The following ZNF696 variants were observed in gnomAD, a reference collection of about 807,000 sequenced individuals.
The protein encoded by ZNF696 is zinc finger protein 696.
Under a neutral mutation model 12.3 loss-of-function variants are expected in ZNF696, and 10 were observed. The observed-to-expected ratio is 0.81, with a 90% CI of 0.50 to 1.38. ZNF696 has a LOEUF of 1.38. Among genes scored for constraint, ZNF696 ranks in the 40% most tolerant of loss-of-function variants. ZNF696 has a pLI of 0.00. For missense variants in ZNF696, 675 were observed against 554.7 expected (o/e 1.22, Z -2.18); for synonymous variants, 304 against 243.9 (o/e 1.25, Z -2.29).
At position 143,296,967 on chromosome 8, in the gene ZNF696, C is replaced by A; in HGVS notation, c.*167C>A. On this transcript the variant is annotated 3_prime_UTR_variant, in exon 3 of 3. Transcript: ENST00000330143. ...GCCTGCATCCGCCTTGGCTTGGGAG[C>A]AATCAGGAGAGACAGGGCTCGGGGA... The A allele has an allele frequency of 1.6e-6, 1 of 635,096 alleles. No homozygotes were observed. Among genetic ancestry groups the A allele is most frequent in the Non-Finnish European group, 2.4e-6 (1 of 418,090 alleles). The allele number at this position is 635,096 out of a possible 1,614,324, so 39.3% of individuals were successfully genotyped here.
At position 143,291,711 on chromosome 8, in the gene ZNF696, G is replaced by A; in HGVS notation, c.-87G>A. The A allele has an allele frequency of 1.0e-6, 1 of 985,490 alleles. No homozygotes were observed. The highest frequency in any genetic ancestry group is 1.7e-5 in the African/African-American group (1 of 57,382). The allele number at this position is 985,490 out of a possible 1,614,324, so 61.0% of individuals were successfully genotyped here. ...AGTTGTCAAATTTCCCACCGGCCCA[G>A]CTCATCGAGCTTCTTCCCAGCTGTG... On this transcript the variant is annotated 5_prime_UTR_variant, in exon 1 of 3. Transcript: ENST00000330143.
chr8:143,294,610 C>G (rs1815677508), intron 2 of ZNF696, among the ~76,000 whole-genome samples: 1 of 152,032 alleles, frequency 6.6e-6, no homozygotes, highest in Admixed American at 6.6e-5. Flanking sequence ...TCGTGAACTG[C>G]CCACCTCAGC....
At position 143,298,407 on chromosome 8, in the gene ZNF696, G is replaced by A. The variant is rs1815753877; in HGVS notation, c.*1607G>A. On this transcript the variant is annotated 3_prime_UTR_variant, in exon 3 of 3. Transcript: ENST00000330143. Reference sequence around the variant, plus strand: ...CTGACCCCTGGGCCGGTGGTGAGGTGGGAAGATGAGCCTGTGTCTCCCATG... The same window carrying A: ...CTGACCCCTGGGCCGGTGGTGAGGTAGGAAGATGAGCCTGTGTCTCCCATG... Among the ~76,000 whole-genome samples the A allele has an allele frequency of 6.6e-6, 1 of 152,138 alleles. No homozygotes were observed. Among genetic ancestry groups the A allele is most frequent in the African/African-American group, 2.4e-5 (1 of 41,422 alleles).
chr8:143,295,858 AG>A lies in ZNF696; in HGVS notation c.189del (p.Pro64LeufsTer297), dbSNP rs752583377. 2.5e-6 allele frequency: 4 copies of A among 1,577,654 alleles called. No homozygotes were observed. The highest frequency in any genetic ancestry group is 2.6e-6 in the Non-Finnish European group (3 of 1,160,986). ...AGAPEGEGHR[G>X]GPPRALGSLG... is the part of the protein sequence containing the mutation. The stretch of plus-strand genomic sequence containing the variant: ...GCGCTCCCGAGGGAGAGGGCCACAG[AG>A]GGGGGCCTCCCCGGGCGTTGGGGTC... On this transcript the variant is annotated frameshift_variant, in exon 3 of 3. Coordinates refer to ENST00000330143, the MANE Select transcript of ZNF696 (RefSeq NM_030895.3). LOFTEE classifies it low-confidence loss of function (END_TRUNC).
Position 143,298,450 on chromosome 8 carries a change from G to A in ZNF696, c.*1650G>A, listed in dbSNP as rs890653269. Among the ~76,000 whole-genome samples, 2 of 152,142 alleles carry A rather than the reference G, an allele frequency of 1.3e-5. No individual in the cohort carries two copies. The highest frequency in any genetic ancestry group is 2.9e-5 in the Non-Finnish European group (2 of 68,022). On this transcript the variant is annotated 3_prime_UTR_variant, in exon 3 of 3. Transcript: ENST00000330143. ...CTCCCATGCTGAGCCAAGATCCTCA[G>A]GTACCAGTAGCGGTCAAAGCACCTG...
At position 143,296,107 on chromosome 8, in the gene ZNF696, G is replaced by A; in HGVS notation, c.432G>A (p.Arg144=). The A allele has an allele frequency of 6.2e-7, 1 of 1,608,348 alleles. No individual in the cohort carries two copies. The highest frequency in any genetic ancestry group is 8.5e-7 in the Non-Finnish European group (1 of 1,177,646). ...GCTCCTCGGACGCGGCAAAGCACCG[G>A]AGCATCCACTCGGGGGAGAAACCGT... is the stretch of plus-strand genomic sequence containing the variant. ...FKCSSDAAKH[R]SIHSGEKPYE... The change falls in exon 3 of 3, where the codon CGG becomes CGA. Residue 144 remains arginine (R), a synonymous_variant. Transcript: ENST00000330143.
Position 143,296,810 on chromosome 8 carries a change from G to A in ZNF696, c.*10G>A. ...GCATGGCGCCGAGTGAGCCGGGGCT[G>A]CGGCGGAAGAGATGCCGGCGGCCTG... On this transcript the variant is annotated 3_prime_UTR_variant, in exon 3 of 3. Transcript: ENST00000330143. The A allele has an allele frequency of 1.4e-6, 2 of 1,384,004 alleles. No homozygotes were observed. The highest frequency in any genetic ancestry group is 1.9e-6 in the Non-Finnish European group (2 of 1,076,280). The allele number at this position is 1,384,004 out of a possible 1,614,324, so 85.7% of individuals were successfully genotyped here. A position where few individuals can be genotyped will look rare whatever the true frequency, so the allele number is the denominator to read the frequency against.
rs1046720137 is a variant in ZNF696 at position 143,296,753 on chromosome 8, C to T, written c.1078C>T (p.Leu360=). ...CACCGAGTGCGGCCGCGCCTTCCGCCTGAGCTTCCACCTCATCCAGCACCG... is the reference window on the plus strand; with the variant it reads ...CACCGAGTGCGGCCGCGCCTTCCGCTTGAGCTTCCACCTCATCCAGCACCG... ...RCTECGRAFR[L]SFHLIQHRRV... The change falls in exon 3 of 3, where the codon CTG becomes TTG. Residue 360 remains leucine, a synonymous_variant. Coordinates refer to ENST00000330143, the MANE Select transcript of ZNF696 (RefSeq NM_030895.3). 3.4e-6 allele frequency: 5 copies of T among 1,479,014 alleles called. No homozygotes were observed. Among genetic ancestry groups the T allele is most frequent in the East Asian group, 2.5e-5 (1 of 39,396 alleles). 91.6% of individuals were successfully genotyped at this position (1,479,014 alleles called of 1,614,324 possible). A position where few individuals can be genotyped will look rare whatever the true frequency, so the allele number is the denominator to read the frequency against.
rs1020394009 is a variant in ZNF696, at chr8:143,296,245, C to T, written c.570C>T (p.Phe190=). The T allele has an allele frequency of 8.1e-6, 13 of 1,596,714 alleles. No homozygotes were observed. Among genetic ancestry groups the T allele is most frequent in the East Asian group, 2.2e-5 (1 of 44,738 alleles). The stretch of plus-strand genomic sequence containing the variant: ...CGTGCGCCGAGTGCGGCAAGGCCTT[C>T]GGCCAGAGCTTCAACCTCCTCCGGC... ...PYACAECGKA[F]GQSFNLLRHQ... The change falls in exon 3 of 3, where the codon TTC becomes TTT. Residue 190 remains phenylalanine, a synonymous_variant. Coordinates refer to ENST00000330143, the MANE Select transcript of ZNF696 (RefSeq NM_030895.3).
Position 143,295,738 on chromosome 8 carries a change from A to G in ZNF696, c.65-2A>G. The G allele has an allele frequency of 6.3e-7, 1 of 1,580,842 alleles. No homozygotes were observed. Among genetic ancestry groups the G allele is most frequent in the Non-Finnish European group, 8.6e-7 (1 of 1,166,680 alleles). The stretch of plus-strand genomic sequence containing the variant: ...ATCGTTCCTGTCTGGCCTCTTTTTC[A>G]GCTGTGAAGGCTGCTTTCCTGGCGC... On this transcript the variant is annotated splice_acceptor_variant, in intron 2 of 2. Transcript: ENST00000330143. LOFTEE classifies it high-confidence loss of function.
Position 143,295,813 on chromosome 8 carries a change from G to C in ZNF696, c.138G>C (p.Thr46=), listed in dbSNP as rs778852886. 1.2e-5 allele frequency: 19 copies of C among 1,599,616 alleles called. No homozygotes were observed. The highest frequency in any genetic ancestry group is 1.5e-5 in the Non-Finnish European group (18 of 1,174,280). Residue 46 remains threonine (T), a synonymous_variant, in exon 3 of 3, where the codon ACG becomes ACC. Transcript: ENST00000330143. ...RSAEVQAAQS[T]EPAAEAGAPE... ...CCGAGGTGCAGGCAGCTCAGAGCAC[G>C]GAGCCTGCCGCAGAGGCAGGCGCTC... is the stretch of plus-strand genomic sequence containing the variant.
chr8:143,295,439 C>T, intron 2 of ZNF696: 8 of 642,994 alleles, frequency 1.2e-5, no homozygotes, highest in Non-Finnish European at 2.3e-5. Flanking sequence ...AGTGGTCCTC[C>T]TGCCTCAGCC....
chr8:143,293,421 C>G, intron 2 of ZNF696: 1 of 408,944 alleles, frequency 2.4e-6, no homozygotes. Flanking sequence ...GCACCCTCGC[C>G]TCTGCCCACT....
rs1338057599 is a variant in ZNF696 at position 143,299,402 on chromosome 8, A to G, written c.*2602A>G. Among the ~76,000 whole-genome samples the G allele has an allele frequency of 1.3e-5, 2 of 152,242 alleles. No individual in the cohort carries two copies. The highest frequency in any genetic ancestry group is 2.9e-5 in the Non-Finnish European group (2 of 68,044). ...TGACTTTGATAAGTTAAATGTGCAT[A>G]GTGTAATTTAATGTTAATTACTAAA... On this transcript the variant is annotated 3_prime_UTR_variant, in exon 3 of 3. Transcript: ENST00000330143.
chr8:143,296,889 G>A lies in ZNF696; in HGVS notation c.*89G>A. The A allele has an allele frequency of 8.3e-7, 1 of 1,209,540 alleles. No homozygotes were observed. Among genetic ancestry groups the A allele is most frequent in the Non-Finnish European group, 1.1e-6 (1 of 934,648 alleles). 74.9% of individuals were successfully genotyped at this position (1,209,540 alleles called of 1,614,324 possible). ...CTCCTGTCCGCCCCGTGCGCGGTGA[G>A]GAAGTAACAGCCGGCTGCGCGCCTG... On this transcript the variant is annotated 3_prime_UTR_variant, in exon 3 of 3. Coordinates refer to ENST00000330143, the MANE Select transcript of ZNF696 (RefSeq NM_030895.3).
intron 2 of ZNF696, chr8:143,295,308 G>A (rs1234568808): frequency 1.1e-5 from 5 of 457,094 alleles, no homozygotes; most frequent in African/African-American, 8.0e-5. Flanking sequence ...GAGGCTAGAG[G>A]TTTAGCCCTG....
Position 143,296,878 on chromosome 8 carries a change from G to T in ZNF696, c.*78G>T. The T allele has an allele frequency of 2.4e-6, 3 of 1,269,572 alleles. No homozygotes were observed. The highest frequency in any genetic ancestry group is 3.8e-5 in the South Asian group (2 of 52,198). 78.6% of individuals were successfully genotyped at this position (1,269,572 alleles called of 1,614,324 possible). ...GCCGGGGGAGGCTCCTGTCCGCCCCGTGCGCGGTGAGGAAGTAACAGCCGG... is the reference window on the plus strand; with the variant it reads ...GCCGGGGGAGGCTCCTGTCCGCCCCTTGCGCGGTGAGGAAGTAACAGCCGG... On this transcript the variant is annotated 3_prime_UTR_variant, in exon 3 of 3. Transcript: ENST00000330143.
At chr8:143,295,552 G>A in intron 2 of ZNF696, 188 bp from the exon 3 acceptor site, 2 of 692,304 alleles carry the variant, frequency 2.9e-6, no homozygotes, top group Non-Finnish European at 5.0e-6. Context: ...AACCATGGGG[G>A]TTAAGAAGGT....
rs998573639 is a variant in ZNF696, at chr8:143,297,899, G to A, written c.*1099G>A. Reference sequence around the variant, plus strand: ...ATGTGATTTCAGAAGCGTTCTGTGGGTAGAGGAATCGTTTTCTCTTTGAGA... The same window carrying A: ...ATGTGATTTCAGAAGCGTTCTGTGGATAGAGGAATCGTTTTCTCTTTGAGA... On this transcript the variant is annotated 3_prime_UTR_variant, in exon 3 of 3. Coordinates refer to ENST00000330143, the MANE Select transcript of ZNF696 (RefSeq NM_030895.3). The A allele has an allele frequency of 6.6e-6, 1 of 152,232 alleles. No homozygotes were observed. Among genetic ancestry groups the A allele is most frequent in the African/African-American group, 2.4e-5 (1 of 41,442 alleles). 9.4% of individuals were successfully genotyped at this position (152,232 alleles called of 1,614,324 possible). A position where few individuals can be genotyped will look rare whatever the true frequency, so the allele number is the denominator to read the frequency against.
Sources: allele counts gnomAD v4.1 joint callset (sites outside exome capture counted in the v4.1 genomes callset), GRCh38; gene constraint gnomAD v4.1.1; transcripts MANE v1.5; gene names NCBI Gene and HGNC (gene_info 2026-07-23, HGNC 2026-07-21).